FGF12: variants seen among roughly 807,000 people sequenced by gnomAD.
The protein encoded by FGF12 is fibroblast growth factor 12.
FGF12 carries 14 observed loss-of-function variants against 23.6 expected under a neutral mutation model. The ratio of observed to expected loss-of-function variants is 0.59; its 90% CI spans 0.39 to 0.93. The LOEUF is 0.93. Among genes scored for constraint, FGF12 ranks in the 40% least tolerant of loss-of-function variants. The pLI is 0.00. For missense variants in FGF12, 175 were observed against 217.8 expected, an observed-to-expected ratio of 0.80 and a Z score of 1.24; for synonymous variants, 62 against 77.3, an observed-to-expected ratio of 0.80 and a Z score of 1.04.
chr3:192,505,443 C>G, intron 2 of FGF12, among the ~76,000 whole-genome samples: 1 of 152,002 alleles, frequency 6.6e-6, no homozygotes, highest in Non-Finnish European at 1.5e-5. Flanking sequence ...TGTTTAGTCC[C>G]ATAGAAAGGA....
chr3:192,480,458 G>T (rs1160460026), intron 2 of FGF12, among the ~76,000 whole-genome samples: 1 of 152,160 alleles, frequency 6.6e-6, no homozygotes, highest in Non-Finnish European at 1.5e-5. Flanking sequence ...GCATATAATT[G>T]CTGTGCTGGC....
At chr3:192,256,644 T>C (rs1291002771) in intron 4 of FGF12, among the ~76,000 whole-genome samples, 1 of 152,138 alleles carries the variant, frequency 6.6e-6, no homozygotes, top group Non-Finnish European at 1.5e-5. Context: ...AAAATGCTCT[T>C]TGAGCCATTT....
intron 2 of FGF12, among the ~76,000 whole-genome samples, chr3:192,390,535 T>C (rs1455984864): frequency 1.3e-5 from 2 of 152,214 alleles, no homozygotes; most frequent in African/African-American, 2.4e-5. Context: ...TAGGAGATTC[T>C]ACAACATTTC....
At chr3:192,366,720 T>A (rs899295342) in intron 2 of FGF12, among the ~76,000 whole-genome samples, 2 of 152,022 alleles carry the variant, frequency 1.3e-5, no homozygotes, top group African/African-American at 2.4e-5. Context: ...TAAATGACTG[T>A]CATATGAAGA....
At chr3:192,452,415 T>C (rs1722550843) in intron 2 of FGF12, among the ~76,000 whole-genome samples, 2 of 152,206 alleles carry the variant, frequency 1.3e-5, no homozygotes, top group Admixed American at 6.5e-5. Flanking sequence ...GTCAGTGTTT[T>C]ATTATGGATT....
rs1047653344 is a variant in FGF12, at chr3:192,335,578, GGA to G, written c.125-116_125-115del. 4 of 692,842 alleles carry G rather than the reference GGA, an allele frequency of 5.8e-6. No individual in the cohort carries two copies. The African/African-American group carries it at 7.2e-5, about 13-fold the overall frequency. 42.9% of individuals were successfully genotyped at this position (692,842 alleles called of 1,614,324 possible). On this transcript the variant is annotated intron_variant, in intron 3 of 5. Coordinates refer to ENST00000445105, the MANE Select transcript of FGF12 (RefSeq NM_004113.6). ...TATTAATTGAACTTGGTAGAAAAAT[GGA>G]GAGAGAAATAAAGAGAGGTCTAAAA... is the stretch of plus-strand genomic sequence containing the variant.
At chr3:192,334,757 A>G (rs1210710905) in intron 4 of FGF12, among the ~76,000 whole-genome samples, 1 of 152,190 alleles carries the variant, frequency 6.6e-6, no homozygotes, top group South Asian at 2.1e-4. Context: ...CAATGAAGGT[A>G]GATAATTTGC....
At chr3:192,216,332 A>T (rs895311120) in intron 4 of FGF12, among the ~76,000 whole-genome samples, 1 of 152,202 alleles carries the variant, frequency 6.6e-6, no homozygotes, top group Non-Finnish European at 1.5e-5. Context: ...AATGGAGGTT[A>T]TTCCCTGCCA....
chr3:192,231,121 T>C (rs1020530236), intron 4 of FGF12, among the ~76,000 whole-genome samples: 3 of 152,174 alleles, frequency 2.0e-5, no homozygotes, highest in Non-Finnish European at 2.9e-5. Context: ...GGAAAACCTA[T>C]ACCATCCTCT....
chr3:192,406,389 G>C (rs1249281550), intron 2 of FGF12, among the ~76,000 whole-genome samples: 7 of 151,994 alleles, frequency 4.6e-5, no homozygotes, highest in Non-Finnish European at 8.8e-5. Flanking sequence ...ACGTACTTCA[G>C]AGATTGAGAT....
At chr3:192,177,639 G>A (rs1189395077) in intron 4 of FGF12, among the ~76,000 whole-genome samples, 2 of 152,190 alleles carry the variant, frequency 1.3e-5, no homozygotes, top group Non-Finnish European at 2.9e-5. Flanking sequence ...TGAATGTACA[G>A]TCAATGAGTG....
chr3:192,460,918 G>A (rs982461839), intron 2 of FGF12, among the ~76,000 whole-genome samples: 12 of 152,112 alleles, frequency 7.9e-5, no homozygotes, highest in African/African-American at 2.4e-4. Flanking sequence ...CCTGCCATAC[G>A]GTACTGCTAA....
At chr3:192,195,105 C>G (rs1352456087) in intron 4 of FGF12, among the ~76,000 whole-genome samples, 2 of 152,312 alleles carry the variant, frequency 1.3e-5, no homozygotes, top group Admixed American at 6.5e-5. Flanking sequence ...GCCCGGAGGG[C>G]CCACCAATTG....
chr3:192,168,563 A>T (rs79511083), intron 5 of FGF12, among the ~76,000 whole-genome samples: 10,514 of 152,264 alleles, frequency 0.069, 437 homozygotes, highest in African/African-American at 0.11. Context: ...TGCATCACTT[A>T]ACATTTTACT....
intron 4 of FGF12, among the ~76,000 whole-genome samples, chr3:192,180,026 C>T (rs1437401759): frequency 1.3e-5 from 2 of 152,142 alleles, no homozygotes; most frequent in Non-Finnish European, 2.9e-5. Context: ...CATAACGTGT[C>T]ATGAGGATCT....
At chr3:192,381,812 A>T (rs992005510) in intron 2 of FGF12, among the ~76,000 whole-genome samples, 1 of 152,202 alleles carries the variant, frequency 6.6e-6, no homozygotes, top group Non-Finnish European at 1.5e-5. Flanking sequence ...TAAACAACTG[A>T]AAGTGTGGAG....
At chr3:192,704,217 A>G (rs1718393900) in intron 2 of FGF12, among the ~76,000 whole-genome samples, 1 of 152,216 alleles carries the variant, frequency 6.6e-6, no homozygotes, top group Admixed American at 6.5e-5. Flanking sequence ...CTTAAATAAA[A>G]AGACTTGAAA....
chr3:192,454,100 G>A lies in FGF12; in HGVS notation c.14-93562C>T, dbSNP rs532114783. On this transcript the variant is annotated intron_variant, in intron 2 of 5. Coordinates refer to ENST00000445105, the MANE Select transcript of FGF12 (RefSeq NM_004113.6). ...GTCGCCCAGGCTGCAGTGCAGTGACGCAATCTTGGCTCACTGCAGCCTCCA... is the reference window on the plus strand; with the variant it reads ...GTCGCCCAGGCTGCAGTGCAGTGACACAATCTTGGCTCACTGCAGCCTCCA... 3.3e-5 allele frequency among the ~76,000 whole-genome samples: 5 copies of A among 151,848 alleles called. No individual in the cohort carries two copies. In the East Asian group the frequency reaches 5.8e-4, roughly 18 times the overall value.
Position 192,178,504 on chromosome 3 carries a change from T to G in FGF12, c.229-7848A>C, listed in dbSNP as rs1177703099. 3.3e-5 allele frequency among the ~76,000 whole-genome samples: 5 copies of G among 152,074 alleles called. No homozygotes were observed. In the South Asian group the frequency reaches 8.3e-4, roughly 25 times the overall value. Reference sequence around the variant, plus strand: ...CCCACTTAAAACCCCAAATCTAAACTCTTTTTTTTTTCCAGAGGGAGTCTC... The same window carrying G: ...CCCACTTAAAACCCCAAATCTAAACGCTTTTTTTTTTCCAGAGGGAGTCTC... On this transcript the variant is annotated intron_variant, in intron 4 of 5. Transcript: ENST00000445105.
Sources: gnomAD v4.1 joint callset for allele counts (sites outside exome capture counted in the v4.1 genomes callset) on GRCh38, gnomAD v4.1.1 for gene constraint, MANE v1.5 for transcripts, NCBI Gene and HGNC (gene_info 2026-07-23, HGNC 2026-07-21) for gene names.